Variants in ZNF609 observed in about 807,000 individuals in gnomAD.
The protein encoded by ZNF609 is zinc finger protein 609.
A neutral mutation model predicts 109.5 loss-of-function variants in ZNF609; 11 were observed. The ratio of observed to expected loss-of-function variants is 0.10; its 90% CI spans 0.06 to 0.17. ZNF609 has a LOEUF of 0.17. ZNF609 is among the 10% of genes least tolerant of loss of function. The probability of loss-of-function intolerance (pLI) is 1.00; values close to 1 mark genes in which losing one functional copy is unlikely to be tolerated. For synonymous variants in ZNF609, 646 were observed against 662.0 expected, an observed-to-expected ratio of 0.98 and a Z score of 0.37; for missense variants, 1,559 against 1,772.4, an observed-to-expected ratio of 0.88 and a Z score of 2.16.
chr15:64,529,387 C>A (rs546581837), intron 2 of ZNF609: 4 of 744,414 alleles, frequency 5.4e-6, no homozygotes, highest in Non-Finnish European at 9.8e-6. Context: ...AACTCTACGA[C>A]GTACTCAGCG....
At chr15:64,663,131 G>A (rs1315687830) in intron 3 of ZNF609, among the ~76,000 whole-genome samples, 1 of 152,152 alleles carries the variant, frequency 6.6e-6, no homozygotes, top group Non-Finnish European at 1.5e-5. Context: ...TCTCTGTGTT[G>A]AGAACAGGTC....
intron 2 of ZNF609, among the ~76,000 whole-genome samples, chr15:64,610,882 C>A (rs1445636244): frequency 1.3e-5 from 2 of 152,146 alleles, no homozygotes; most frequent in Non-Finnish European, 2.9e-5. Flanking sequence ...AAATAGATTT[C>A]TGTGGGCCGG....
At chr15:64,465,842 G>A (rs1016671782) in intron 1 of ZNF609, among the ~76,000 whole-genome samples, 2 of 151,728 alleles carry the variant, frequency 1.3e-5, no homozygotes, top group Non-Finnish European at 2.9e-5. Context: ...TAGGCCGGGC[G>A]CAGTGGCTCA....
intron 3 of ZNF609, among the ~76,000 whole-genome samples, chr15:64,642,194 A>AT (rs1293523995): frequency 1.3e-5 from 2 of 151,946 alleles, no homozygotes; most frequent in Admixed American, 6.6e-5. Flanking sequence ...TTTTGTTTTT[A>AT]TTTTTTTGAA....
At chr15:64,659,271 G>A (rs1595755453) in intron 3 of ZNF609, among the ~76,000 whole-genome samples, 1 of 152,038 alleles carries the variant, frequency 6.6e-6, no homozygotes, top group Non-Finnish European at 1.5e-5. Context: ...TTCAAAACTC[G>A]CTGGCAAACT....
chr15:64,609,920 C>T (rs1024243241), intron 2 of ZNF609, among the ~76,000 whole-genome samples: 1 of 151,716 alleles, frequency 6.6e-6, no homozygotes, highest in Non-Finnish European at 1.5e-5. Context: ...CCCAGCTGCT[C>T]GGGAGGCTGA....
chr15:64,567,114 C>G (rs1216001283), intron 2 of ZNF609, among the ~76,000 whole-genome samples: 1 of 152,166 alleles, frequency 6.6e-6, no homozygotes, highest in Admixed American at 6.5e-5. Flanking sequence ...TATAAACAGA[C>G]TTTAAATACT....
intron 1 of ZNF609, among the ~76,000 whole-genome samples, chr15:64,474,046 T>A (rs1480553463): frequency 6.6e-6 from 1 of 152,032 alleles, no homozygotes; most frequent in African/African-American, 2.4e-5. Context: ...GTGCGGAGAT[T>A]ACAGGCGTGA....
intron 7 of ZNF609, 69 bp from the exon 8 acceptor site, chr15:64,680,561 TTGTGTGTGTGTGTGTG>T: frequency 8.8e-7 from 1 of 1,132,824 alleles, no homozygotes; most frequent in East Asian, 2.5e-5. Context: ...GGCATCTCAC[TTGTGTGTGTGTGTGTG>T]TGTGTGTGTG....
chr15:64,656,150 G>A lies in ZNF609; in HGVS notation c.974-14196G>A, dbSNP rs117975074. Reference sequence around the variant, plus strand: ...GCGATCTTGGCCCACTGCAACCTCCGCCTCCCGTGTTCAGGCAATTCTCTT... The same window carrying A: ...GCGATCTTGGCCCACTGCAACCTCCACCTCCCGTGTTCAGGCAATTCTCTT... On this transcript the variant is annotated intron_variant, in intron 3 of 9. Transcript: ENST00000326648. Among the ~76,000 whole-genome samples the A allele has an allele frequency of 6.4e-3, 971 of 151,954 alleles. 3 individuals carry two copies. The highest frequency in any genetic ancestry group is 0.011 in the Non-Finnish European group (769 of 67,972).
At chr15:64,594,208 G>A (rs905788017) in intron 2 of ZNF609, among the ~76,000 whole-genome samples, 1 of 152,178 alleles carries the variant, frequency 6.6e-6, no homozygotes, top group Non-Finnish European at 1.5e-5. Context: ...GAGTAAGGCA[G>A]TTTTCTGCAG....
At chr15:64,670,525 G>A in intron 4 of ZNF609, 92 bp downstream of exon 4, 1 of 1,056,572 alleles carries the variant, frequency 9.5e-7, no homozygotes, top group South Asian at 1.3e-5. Context: ...TGTACATCCA[G>A]CTTTTAAAGG....
At position 64,683,856 on chromosome 15, in the gene ZNF609, G is replaced by GC. The variant is rs2083225846; in HGVS notation, c.*2171dup. 1 of 152,222 alleles carries GC rather than the reference G, an allele frequency of 6.6e-6. No individual in the cohort carries two copies. The highest frequency in any genetic ancestry group is 2.4e-5 in the African/African-American group (1 of 41,456). The allele number at this position is 152,222 out of a possible 1,614,324, so 9.4% of individuals were successfully genotyped here. On this transcript the variant is annotated 3_prime_UTR_variant, in exon 10 of 10. Coordinates refer to ENST00000326648, the MANE Select transcript of ZNF609 (RefSeq NM_015042.2). ...AAACCGTTAGGAGTAATTTTCTTTT[G>GC]CATTGGGCAGGCATGGCCCTGCATT... is the stretch of plus-strand genomic sequence containing the variant.
intron 2 of ZNF609, among the ~76,000 whole-genome samples, chr15:64,581,099 C>T (rs1895097490): frequency 6.6e-6 from 1 of 151,300 alleles, no homozygotes; most frequent in Admixed American, 6.6e-5. Flanking sequence ...ACTCATAGCA[C>T]ACTGTGACCT....
intron 3 of ZNF609, among the ~76,000 whole-genome samples, chr15:64,662,378 T>C (rs897103681): frequency 2.6e-5 from 4 of 151,642 alleles, no homozygotes; most frequent in Admixed American, 2.6e-4. Flanking sequence ...TAGGCTGGAG[T>C]GCAGGGGCAA....
intron 3 of ZNF609, among the ~76,000 whole-genome samples, chr15:64,634,800 A>G (rs1415098455): frequency 6.6e-6 from 1 of 152,106 alleles, no homozygotes; most frequent in Non-Finnish European, 1.5e-5. Context: ...GACACCACAA[A>G]TCTTCATAGC....
intron 3 of ZNF609, among the ~76,000 whole-genome samples, chr15:64,666,552 G>A (rs761355737): frequency 1.3e-5 from 2 of 151,920 alleles, no homozygotes; most frequent in African/African-American, 4.8e-5. Context: ...CGCCGAGGCT[G>A]GAGTGCAGTA....
At chr15:64,587,551 G>C (rs1895217806) in intron 2 of ZNF609, among the ~76,000 whole-genome samples, 1 of 152,156 alleles carries the variant, frequency 6.6e-6, no homozygotes, top group Non-Finnish European at 1.5e-5. Context: ...GGCGAGACTA[G>C]TAAAAGTTAA....
intron 3 of ZNF609, among the ~76,000 whole-genome samples, chr15:64,624,826 CT>C (rs1381816898): frequency 2.1e-5 from 3 of 146,088 alleles, no homozygotes; most frequent in Non-Finnish European, 4.5e-5. Context: ...GTGGTGCGAT[CT>C]TGGCTCACTG....
Sources: gnomAD v4.1 joint callset for allele counts (sites outside exome capture counted in the v4.1 genomes callset) on GRCh38, gnomAD v4.1.1 for gene constraint, MANE v1.5 for transcripts, NCBI Gene and HGNC (gene_info 2026-07-23, HGNC 2026-07-21) for gene names.